The following ABL1 variants were observed in gnomAD, a reference collection of about 807,000 sequenced individuals.
The protein encoded by ABL1 is ABL proto-oncogene 1, non-receptor tyrosine kinase.
ABL1 carries 11 observed loss-of-function variants against 94.7 expected under a neutral mutation model. That is an observed-to-expected ratio of 0.12 (90% CI 0.07 to 0.19). The LOEUF (loss-of-function observed/expected upper bound fraction) is 0.19. ABL1 is among the 10% of genes least tolerant of loss of function. The probability of loss-of-function intolerance (pLI) is 1.00; values close to 1 mark genes in which losing one functional copy is unlikely to be tolerated. For missense variants in ABL1, 1,082 were observed against 1,489.4 expected, an observed-to-expected ratio of 0.73 and a Z score of 4.50; for synonymous variants, 656 against 622.4, an observed-to-expected ratio of 1.05 and a Z score of -0.80.
intron 1 of ABL1, among the ~76,000 whole-genome samples, chr9:130,751,724 A>G (rs1831970122): frequency 6.6e-6 from 1 of 152,160 alleles, no homozygotes; most frequent in African/African-American, 2.4e-5. Flanking sequence ...CTCAACACCC[A>G]TGAAGCCAGT....
intron 1 of ABL1, among the ~76,000 whole-genome samples, chr9:130,771,621 GT>G (rs1158544697): frequency 3.9e-5 from 6 of 151,900 alleles, no homozygotes; most frequent in African/African-American, 1.5e-4. Flanking sequence ...AAAAGCTGAT[GT>G]TTTTATTTAT....
chr9:130,756,517 A>T (rs1220347206), intron 1 of ABL1, among the ~76,000 whole-genome samples: 1 of 152,106 alleles, frequency 6.6e-6, no homozygotes, highest in Non-Finnish European at 1.5e-5. Flanking sequence ...GCGTTGCTAT[A>T]TTCCAAGCCA....
At chr9:130,717,764 A>G (rs1229836510) in intron 1 of ABL1, among the ~76,000 whole-genome samples, 1 of 152,032 alleles carries the variant, frequency 6.6e-6, no homozygotes, top group Non-Finnish European at 1.5e-5. Context: ...CTGTAATCCC[A>G]GCACTTTGGG....
chr9:130,874,726 T>TG, intron 6 of ABL1, 142 bp from the exon 7 acceptor site: 1 of 844,940 alleles, frequency 1.2e-6, no homozygotes, highest in Non-Finnish European at 1.9e-6. Context: ...CTGTGTTAAT[T>TG]GCCGTGGGCA....
chr9:130,730,168 C>G lies in ABL1; in HGVS notation c.136+15713C>G, dbSNP rs1471704644. ...AAGTGATTCCCCTGCCTCAGCCTCC[C>G]GAGTAGCTGGAATATGGACATGTGC... On this transcript the variant is annotated intron_variant, in intron 1 of 10. Transcript: ENST00000372348. Among the ~76,000 whole-genome samples the G allele has an allele frequency of 2.0e-5, 3 of 151,732 alleles. No homozygotes were observed. The East Asian group carries it at 5.8e-4, about 29-fold the overall frequency.
intron 4 of ABL1, among the ~76,000 whole-genome samples, chr9:130,867,676 CGAG>C (rs1384495896): frequency 6.6e-6 from 1 of 152,182 alleles, no homozygotes; most frequent in Non-Finnish European, 1.5e-5. Context: ...AGAAAGAAGC[CGAG>C]AAGAAGGGCA....
At chr9:130,841,811 CA>C (rs201172138) in intron 1 of ABL1, among the ~76,000 whole-genome samples, 8 of 146,364 alleles carry the variant, frequency 5.5e-5, no homozygotes, top group African/African-American at 7.5e-5. Flanking sequence ...AACTCCAGCT[CA>C]AAAAAAAAAG....
At chr9:130,852,567 A>G (rs1014799188) in intron 1 of ABL1, among the ~76,000 whole-genome samples, 5 of 152,144 alleles carry the variant, frequency 3.3e-5, no homozygotes, top group African/African-American at 9.7e-5. Context: ...TCACTCCACA[A>G]TGTTCTTCAA....
chr9:130,870,753 C>G (rs1169943795), intron 4 of ABL1, among the ~76,000 whole-genome samples: 1 of 152,206 alleles, frequency 6.6e-6, no homozygotes, highest in Non-Finnish European at 1.5e-5. Flanking sequence ...ACATTAAGAG[C>G]AGCTCACCAT....
rs758065882 is a variant in ABL1, at chr9:130,880,687, C to T, written c.1678+23C>T. On this transcript the variant is annotated intron_variant, in intron 10 of 10. Coordinates refer to ENST00000318560, the MANE Select transcript of ABL1 (RefSeq NM_005157.6). The surrounding 1 kb of genome is among the most constrained non-coding windows in gnomAD (Gnocchi z 4.4). ...GCGGTAAGTCCCCCGCTTCCCCCAA[C>T]CCCACTGCTCTTCCCTTCCCTGCCA... The T allele has an allele frequency of 6.2e-7, 1 of 1,610,228 alleles. No homozygotes were observed. Among genetic ancestry groups the T allele is most frequent in the Non-Finnish European group, 8.5e-7 (1 of 1,178,460 alleles).
At chr9:130,828,137 T>A (rs1830449690) in intron 1 of ABL1, among the ~76,000 whole-genome samples, 1 of 151,710 alleles carries the variant, frequency 6.6e-6, no homozygotes, top group Non-Finnish European at 1.5e-5. Context: ...CAGGCTGGAG[T>A]GCAGTGGCAA....
At chr9:130,714,035 G>T (rs1383239696) in exon 1 of ABL1, 3 of 315,216 alleles carry the variant, frequency 9.5e-6, no homozygotes, top group African/African-American at 2.1e-5. Flanking sequence ...AAAAGAAATT[G>T]TTATTCAGCC....
intron 1 of ABL1, among the ~76,000 whole-genome samples, chr9:130,769,876 T>G (rs962283998): frequency 3.9e-5 from 6 of 152,284 alleles, no homozygotes. Flanking sequence ...CTGGCAACCC[T>G]GATCTGTTTT....
intron 4 of ABL1, among the ~76,000 whole-genome samples, chr9:130,868,922 C>G (rs1039699691): frequency 2.6e-5 from 4 of 152,128 alleles, no homozygotes; most frequent in Admixed American, 2.6e-4. Context: ...AATCCCAGCA[C>G]TCTGGGAGGC....
At chr9:130,806,612 C>T (rs775850063) in intron 1 of ABL1, among the ~76,000 whole-genome samples, 1 of 152,000 alleles carries the variant, frequency 6.6e-6, no homozygotes, top group Non-Finnish European at 1.5e-5. Flanking sequence ...CCCAGAAGTT[C>T]AAGACCAGCC....
exon 1 of ABL1, chr9:130,713,806 G>C (rs1267660098): frequency 4.7e-6 from 1 of 214,474 alleles, no homozygotes; most frequent in Non-Finnish European, 9.4e-6. Flanking sequence ...CTTTTCCGGA[G>C]AGCAAAGCAG....
At chr9:130,796,920 CAAAA>C (rs10607745) in intron 1 of ABL1, among the ~76,000 whole-genome samples, 17,724 of 60,184 alleles carry the variant, frequency 0.29, 1,407 homozygotes, top group African/African-American at 0.38. Context: ...AACTTCATCT[CAAAA>C]AAAAAAAAAA....
rs565479055 is a variant in ABL1 at position 130,825,811 on chromosome 9, TTC to T, written c.137-28251_137-28250del. On this transcript the variant is annotated intron_variant, in intron 1 of 10. Transcript: ENST00000372348. ...CCAAACCATTTTTGCTTAATAATATTTCTGTTTATAATTAAACCTTAAGGTAC... is the reference window on the plus strand; with the variant it reads ...CCAAACCATTTTTGCTTAATAATATTTGTTTATAATTAAACCTTAAGGTAC... Among the ~76,000 whole-genome samples, 17 of 152,366 alleles carry T rather than the reference TTC, an allele frequency of 1.1e-4. No homozygotes were observed. The East Asian group carries it at 3.1e-3, about 28-fold the overall frequency.
At chr9:130,751,686 A>G (rs1831969399) in intron 1 of ABL1, among the ~76,000 whole-genome samples, 1 of 152,188 alleles carries the variant, frequency 6.6e-6, no homozygotes, top group Admixed American at 6.5e-5. Flanking sequence ...ATGGTCAGCC[A>G]GCAAAATTGA....
Sources: allele counts gnomAD v4.1 joint callset (sites outside exome capture counted in the v4.1 genomes callset), GRCh38; gene constraint gnomAD v4.1.1; non-coding constraint Gnocchi (gnomAD v3.1); transcripts MANE v1.5; gene names NCBI Gene and HGNC (gene_info 2026-07-23, HGNC 2026-07-21).